PTPRG: variants seen among roughly 807,000 people sequenced by gnomAD.
PTPRG encodes the protein protein tyrosine phosphatase receptor type G.
PTPRG carries 102 observed loss-of-function variants against 165.3 expected under a neutral mutation model. The observed-to-expected ratio is 0.62, with a 90% CI of 0.53 to 0.73. PTPRG has a LOEUF of 0.73. PTPRG is among the 30% of genes least tolerant of loss of function. PTPRG has a pLI of 0.00. For missense variants in PTPRG, 1,866 were observed against 1,861.4 expected, an observed-to-expected ratio of 1.00 and a Z score of -0.05; for synonymous variants, 675 against 669.5, an observed-to-expected ratio of 1.01 and a Z score of -0.13.
At chr3:61,739,391 A>T (rs2032895487) in intron 1 of PTPRG, among the ~76,000 whole-genome samples, 1 of 152,128 alleles carries the variant, frequency 6.6e-6, no homozygotes, top group South Asian at 2.1e-4. Context: ...TTCTTTTGGA[A>T]TTGTTACATT....
intron 1 of PTPRG, among the ~76,000 whole-genome samples, chr3:61,620,320 A>T (rs540770504): frequency 1.1e-4 from 16 of 152,344 alleles, no homozygotes; most frequent in African/African-American, 3.4e-4. Flanking sequence ...CTTTCAAAAA[A>T]AATTTTATGT....
intron 2 of PTPRG, among the ~76,000 whole-genome samples, chr3:61,909,054 C>T (rs2038731822): frequency 6.6e-6 from 1 of 152,158 alleles, no homozygotes; most frequent in African/African-American, 2.4e-5. Flanking sequence ...TTTTCTACCC[C>T]TTCTGATAAC....
chr3:61,865,692 T>G (rs2037387089), intron 2 of PTPRG, among the ~76,000 whole-genome samples: 2 of 152,178 alleles, frequency 1.3e-5, no homozygotes. Context: ...CAGAGCCCCT[T>G]TGTCTTCTCA....
intron 1 of PTPRG, among the ~76,000 whole-genome samples, chr3:61,679,209 C>T (rs1703341106): frequency 6.6e-6 from 1 of 152,212 alleles, no homozygotes; most frequent in Non-Finnish European, 1.5e-5. Flanking sequence ...AAAGCTTGAG[C>T]ATTTCAAACT....
chr3:62,024,435 T>A (rs2041763913), intron 4 of PTPRG, among the ~76,000 whole-genome samples: 1 of 152,224 alleles, frequency 6.6e-6, no homozygotes, highest in African/African-American at 2.4e-5. Context: ...ATACACTTTT[T>A]AATGCCAGGT....
intron 1 of PTPRG, among the ~76,000 whole-genome samples, chr3:61,615,803 T>A (rs1481504435): frequency 6.6e-6 from 1 of 152,176 alleles, no homozygotes; most frequent in African/African-American, 2.4e-5. Flanking sequence ...CATGTCCCCA[T>A]CATTATTTGA....
At chr3:61,970,573 G>A (rs929422519) in intron 2 of PTPRG, among the ~76,000 whole-genome samples, 14 of 152,156 alleles carry the variant, frequency 9.2e-5, no homozygotes, top group African/African-American at 2.7e-4. Flanking sequence ...ATATGCAAGG[G>A]GAAGAAACTC....
rs748721906 is a variant in PTPRG at position 62,293,152 on chromosome 3, G to C, written c.4192-9G>C. The C allele has an allele frequency of 2.7e-5, 42 of 1,558,882 alleles. No homozygotes were observed. In the South Asian group the frequency reaches 4.3e-4, roughly 16 times the overall value. On this transcript the variant is annotated splice_polypyrimidine_tract_variant and intron_variant, in intron 29 of 29. Coordinates refer to ENST00000474889, the MANE Select transcript of PTPRG (RefSeq NM_002841.4). ...CTTTGGCTCAAACTGTCTTCCTCTT[G>C]TTTTTCAGGAACAATACCAGTTCAT...
At chr3:62,025,657 C>G (rs1045691919) in intron 4 of PTPRG, among the ~76,000 whole-genome samples, 4 of 152,066 alleles carry the variant, frequency 2.6e-5, no homozygotes, top group African/African-American at 7.2e-5. Flanking sequence ...AGGTATCTAC[C>G]TGTCCTTAAA....
chr3:61,919,179 T>C (rs2039016812), intron 2 of PTPRG, among the ~76,000 whole-genome samples: 1 of 152,220 alleles, frequency 6.6e-6, no homozygotes, highest in Non-Finnish European at 1.5e-5. Context: ...CAAGGAGTAC[T>C]GGTTTTTACA....
chr3:62,148,405 G>T (rs564797612), intron 6 of PTPRG, among the ~76,000 whole-genome samples: 3 of 152,274 alleles, frequency 2.0e-5, no homozygotes, highest in East Asian at 1.9e-4. Context: ...TATTCTAAAT[G>T]AACCAAGAAG....
chr3:62,203,373 C>T lies in PTPRG; in HGVS notation c.1578C>T (p.Ile526=). ...LAGLGFGGGG[I]SSFPSTVWPT... ...GCCTGGGGTTCGGCGGTGGTGGCAT[C>T]TCCTCTTTCCCCAGCACTGTGTGGC... Residue 526 remains isoleucine, a synonymous_variant, in exon 12 of 30, where the codon ATC becomes ATT. Transcript: ENST00000474889. This position sits in a 1 kb window ranked among gnomAD's most constrained non-coding sequence, Gnocchi z 6.4. 6.2e-7 allele frequency: 1 copy of T among 1,613,176 alleles called. No homozygotes were observed. The highest frequency in any genetic ancestry group is 8.5e-7 in the Non-Finnish European group (1 of 1,179,580).
intron 2 of PTPRG, among the ~76,000 whole-genome samples, chr3:61,808,688 C>A (rs1254495725): frequency 1.3e-5 from 2 of 152,070 alleles, no homozygotes; most frequent in Non-Finnish European, 2.9e-5. Flanking sequence ...GGGCACGGAT[C>A]CCTTGGCCTA....
chr3:61,942,321 A>G (rs1320993162), intron 2 of PTPRG, among the ~76,000 whole-genome samples: 1 of 152,150 alleles, frequency 6.6e-6, no homozygotes, highest in Non-Finnish European at 1.5e-5. Flanking sequence ...TTGTCACCAC[A>G]TTTGCTGTCA....
chr3:61,653,735 C>T (rs947187563), intron 1 of PTPRG, among the ~76,000 whole-genome samples: 2 of 152,134 alleles, frequency 1.3e-5, no homozygotes, highest in Non-Finnish European at 2.9e-5. Flanking sequence ...GTAACCTCTT[C>T]CTGTATAAGG....
intron 21 of PTPRG, 103 bp from the exon 22 acceptor site, chr3:62,272,843 G>C: frequency 7.6e-7 from 1 of 1,321,758 alleles, no homozygotes; most frequent in South Asian, 1.7e-5. Flanking sequence ...TCTCATCTCA[G>C]AAAAATAATA....
At chr3:62,131,880 T>C (rs1428923949) in intron 5 of PTPRG, among the ~76,000 whole-genome samples, 2 of 152,208 alleles carry the variant, frequency 1.3e-5, no homozygotes, top group Non-Finnish European at 2.9e-5. Context: ...TCTGTATGTC[T>C]AAAAGAAAAT....
intron 4 of PTPRG, among the ~76,000 whole-genome samples, chr3:62,043,663 TAGA>T (rs1700195493): frequency 6.6e-6 from 1 of 152,210 alleles, no homozygotes. Context: ...GTTTTAGGTA[TAGA>T]AGAACAAGCT....
chr3:62,201,106 C>T (rs1244367752), intron 10 of PTPRG, among the ~76,000 whole-genome samples: 2 of 152,034 alleles, frequency 1.3e-5, no homozygotes, highest in Admixed American at 6.5e-5. Context: ...AACGTGCTGG[C>T]GATATGTCTT....
Sources: gnomAD v4.1 joint callset for allele counts (sites outside exome capture counted in the v4.1 genomes callset) on GRCh38, gnomAD v4.1.1 for gene constraint, Gnocchi (gnomAD v3.1) non-coding constraint, MANE v1.5 for transcripts, NCBI Gene and HGNC (gene_info 2026-07-23, HGNC 2026-07-21) for gene names.